The following RABGEF1 variants were observed in gnomAD, a reference collection of about 807,000 sequenced individuals.
The protein encoded by RABGEF1 is RAB guanine nucleotide exchange factor 1.
RABGEF1 carries 26 observed loss-of-function variants against 57.3 expected under a neutral mutation model. The ratio of observed to expected loss-of-function variants is 0.45; its 90% CI spans 0.33 to 0.63. The LOEUF is 0.63. Among genes scored for constraint, RABGEF1 ranks in the 20% least tolerant of loss-of-function variants. The pLI, the probability that RABGEF1 is intolerant of heterozygous loss-of-function variation, is 0.02. For missense variants in RABGEF1, 464 were observed against 607.6 expected (o/e 0.76, Z 2.48); for synonymous variants, 185 against 210.7 (o/e 0.88, Z 1.06).
rs1789173159 is a variant in RABGEF1 at position 66,809,437 on chromosome 7, CAG to C, written c.*154_*155del. The C allele has an allele frequency of 8.1e-6, 6 of 740,486 alleles. No homozygotes were observed. The highest frequency in any genetic ancestry group is 1.2e-5 in the Non-Finnish European group (6 of 497,212). 45.9% of individuals were successfully genotyped at this position (740,486 alleles called of 1,614,324 possible). On this transcript the variant is annotated 3_prime_UTR_variant, in exon 9 of 9. Coordinates refer to ENST00000284957, the MANE Select transcript of RABGEF1 (RefSeq NM_014504.3). Reference sequence around the variant, plus strand: ...ATGGGGATTGTTTCGTTTTTCCTAGCAGGGGAACCTTAGTTAATAATAAAATA... The same window carrying C: ...ATGGGGATTGTTTCGTTTTTCCTAGCGGGAACCTTAGTTAATAATAAAATA...
chr7:66,683,038 A>G (rs1420250637), intron 1 of RABGEF1, among the ~76,000 whole-genome samples: 1 of 152,128 alleles, frequency 6.6e-6, no homozygotes, highest in Non-Finnish European at 1.5e-5. Context: ...TGCCTTTGAG[A>G]TTAAATAGGA....
intron 1 of RABGEF1, among the ~76,000 whole-genome samples, chr7:66,765,626 G>A (rs146462017): frequency 1.1e-3 from 163 of 152,260 alleles, no homozygotes; most frequent in African/African-American, 3.6e-3. Context: ...GCTTCTTGGG[G>A]TATGTCTATT....
At chr7:66,682,889 C>G (rs569132099) in intron 1 of RABGEF1, among the ~76,000 whole-genome samples, 118 of 152,270 alleles carry the variant, frequency 7.7e-4, no homozygotes, top group Non-Finnish European at 6.0e-4. Context: ...CGGGGGATGC[C>G]CATCACGGCA....
At chr7:66,748,533 A>G (rs755931912) in intron 1 of RABGEF1, among the ~76,000 whole-genome samples, 8 of 152,196 alleles carry the variant, frequency 5.3e-5, no homozygotes, top group Non-Finnish European at 1.0e-4. Context: ...ACAGTCTGAC[A>G]AGGGCACATA....
At chr7:66,763,518 A>G (rs116359228) in intron 1 of RABGEF1, among the ~76,000 whole-genome samples, 1,915 of 152,324 alleles carry the variant, frequency 0.013, 38 homozygotes, top group African/African-American at 0.043. Flanking sequence ...TTAAAAAGAC[A>G]GCTTTATTGA....
rs184946122 is a variant in RABGEF1 at position 66,773,875 on chromosome 7, A to G, written c.180-1352A>G. 194 of 415,764 alleles carry G rather than the reference A, an allele frequency of 4.7e-4. 1 individual carries two copies. Among genetic ancestry groups the G allele is most frequent in the Non-Finnish European group, 8.2e-4 (171 of 207,430 alleles). 25.8% of individuals were successfully genotyped at this position (415,764 alleles called of 1,614,324 possible). A position where few individuals can be genotyped will look rare whatever the true frequency, so the allele number is the denominator to read the frequency against. ...GAGACAGGGTTTCACCATGTTGCCCAGGCTGGTCTCAAATTCCTGAGCTCA... is the reference window on the plus strand; with the variant it reads ...GAGACAGGGTTTCACCATGTTGCCCGGGCTGGTCTCAAATTCCTGAGCTCA... On this transcript the variant is annotated intron_variant, in intron 2 of 8. Coordinates refer to ENST00000284957, the MANE Select transcript of RABGEF1 (RefSeq NM_014504.3).
chr7:66,753,582 C>T (rs958402529), intron 1 of RABGEF1, among the ~76,000 whole-genome samples: 3 of 151,904 alleles, frequency 2.0e-5, no homozygotes, highest in Non-Finnish European at 2.9e-5. Context: ...TCTCTGTGTT[C>T]CAGTTGGGGT....
At chr7:66,769,640 T>G (rs1191306687) in intron 1 of RABGEF1, among the ~76,000 whole-genome samples, 1 of 152,256 alleles carries the variant, frequency 6.6e-6, no homozygotes, top group Non-Finnish European at 1.5e-5. Context: ...CAGTTGCTTT[T>G]GCAGGAGAGG....
At chr7:66,692,249 G>T (rs111396200) in intron 1 of RABGEF1, among the ~76,000 whole-genome samples, 1 of 152,186 alleles carries the variant, frequency 6.6e-6, no homozygotes, top group Admixed American at 6.5e-5. Flanking sequence ...GTTTCGGAAG[G>T]TCCCTTGGGC....
At chr7:66,707,247 C>T (rs1794233687) in intron 1 of RABGEF1, among the ~76,000 whole-genome samples, 1 of 152,134 alleles carries the variant, frequency 6.6e-6, no homozygotes, top group Non-Finnish European at 1.5e-5. Flanking sequence ...TATGGCCTAG[C>T]ATATAATTTA....
chr7:66,804,950 T>C (rs1380159233), intron 7 of RABGEF1, among the ~76,000 whole-genome samples, 190 bp from the exon 8 acceptor site: 1 of 152,148 alleles, frequency 6.6e-6, no homozygotes, highest in Non-Finnish European at 1.5e-5. Flanking sequence ...CACTGTGTAT[T>C]ACCTGGCTCT....
intron 1 of RABGEF1, among the ~76,000 whole-genome samples, chr7:66,769,444 G>T (rs1002235324): frequency 6.6e-6 from 1 of 152,180 alleles, no homozygotes; most frequent in African/African-American, 2.4e-5. Flanking sequence ...TTGAGATTGC[G>T]CTCAAACATC....
At chr7:66,756,627 C>T (rs1802790274) in intron 1 of RABGEF1, among the ~76,000 whole-genome samples, 1 of 152,108 alleles carries the variant, frequency 6.6e-6, no homozygotes, top group Non-Finnish European at 1.5e-5. Flanking sequence ...TAAAAACTAG[C>T]TAGATGTTTC....
intron 2 of RABGEF1, among the ~76,000 whole-genome samples, chr7:66,732,229 C>T (rs1285918387): frequency 2.6e-5 from 4 of 152,234 alleles, no homozygotes; most frequent in Non-Finnish European, 5.9e-5. Context: ...TGGGTCCATG[C>T]CAGCTGCAGC....
chr7:66,728,689 A>T (rs1374564379), intron 2 of RABGEF1, among the ~76,000 whole-genome samples: 1 of 4,464 alleles, frequency 2.2e-4, no homozygotes, highest in Non-Finnish European at 4.4e-4. Context: ...CTCCATCCTC[A>T]TCATCCTCAC....
chr7:66,664,787 A>G, the RABGEF1 span, among the ~76,000 whole-genome samples: 1 of 152,294 alleles, frequency 6.6e-6, no homozygotes, highest in South Asian at 2.1e-4. Context: ...GCTTCCTGTC[A>G]GGGAGTCAGG....
At chr7:66,726,172 C>T (rs1051839379) in intron 2 of RABGEF1, among the ~76,000 whole-genome samples, 5 of 152,180 alleles carry the variant, frequency 3.3e-5, no homozygotes, top group African/African-American at 1.2e-4. Flanking sequence ...TTGCCCACAG[C>T]TGGGACCCAG....
rs180927069 is a variant in RABGEF1 at position 66,795,109 on chromosome 7, C to T, written c.514-402C>T. Among the ~76,000 whole-genome samples the T allele has an allele frequency of 4.7e-3, 709 of 152,256 alleles. 3 individuals are homozygous for T. Among genetic ancestry groups the T allele is most frequent in the Non-Finnish European group, 7.0e-3 (473 of 68,022 alleles). On this transcript the variant is annotated intron_variant, in intron 4 of 8. Transcript: ENST00000284957. Reference sequence around the variant, plus strand: ...TTTGTAGCAGGGAGGAGCCTGGCCCCTCTTCTTTCTGTGTGGAGCCCAGGA... The same window carrying T: ...TTTGTAGCAGGGAGGAGCCTGGCCCTTCTTCTTTCTGTGTGGAGCCCAGGA...
At chr7:66,695,981 G>A (rs1357690541) in intron 1 of RABGEF1, among the ~76,000 whole-genome samples, 1 of 151,700 alleles carries the variant, frequency 6.6e-6, no homozygotes, top group Non-Finnish European at 1.5e-5. Context: ...AAAAAATAAA[G>A]TGTAGATGAC....
Sources: gnomAD v4.1 joint callset for allele counts (sites outside exome capture counted in the v4.1 genomes callset) on GRCh38, gnomAD v4.1.1 for gene constraint, MANE v1.5 for transcripts, NCBI Gene and HGNC (gene_info 2026-07-23, HGNC 2026-07-21) for gene names.